Variants in MARCHF4 observed in about 807,000 individuals in gnomAD.
The protein encoded by MARCHF4 is membrane associated ring-CH-type finger 4.
Under a neutral mutation model 43.9 loss-of-function variants are expected in MARCHF4, and 14 were observed. That is an observed-to-expected ratio of 0.32 (90% CI 0.21 to 0.50). The LOEUF is 0.50. Ranked by LOEUF, MARCHF4 falls within the 20% of genes least tolerant of loss-of-function variation. The pLI, the probability that MARCHF4 is intolerant of heterozygous loss-of-function variation, is 0.98. For missense variants in MARCHF4, 468 were observed against 536.7 expected (o/e 0.87, Z 1.27); for synonymous variants, 226 against 213.3 (o/e 1.06, Z -0.52).
intron 1 of MARCHF4, among the ~76,000 whole-genome samples, chr2:216,347,892 A>C (rs548234554): frequency 6.6e-6 from 1 of 151,116 alleles, no homozygotes; most frequent in East Asian, 1.9e-4. Flanking sequence ...GCAAAAATAC[A>C]GTTTTCATAC....
intron 3 of MARCHF4, among the ~76,000 whole-genome samples, chr2:216,274,029 G>C (rs1344410485): frequency 6.6e-6 from 1 of 152,236 alleles, no homozygotes; most frequent in Non-Finnish European, 1.5e-5. Context: ...TTGAGTTGGG[G>C]GCAACCCCTG....
chr2:216,345,331 A>G (rs1692302700), intron 1 of MARCHF4, among the ~76,000 whole-genome samples: 1 of 150,752 alleles, frequency 6.6e-6, no homozygotes, highest in Non-Finnish European at 1.5e-5. Flanking sequence ...AAGAACACAA[A>G]CTATTATACC....
In MARCHF4 at chr2:216,370,118, T is replaced by C; in HGVS notation, c.143A>G (p.Asp48Gly). Residue 48 changes from aspartate (D) to glycine (G), a missense_variant, in exon 1 of 4, where the codon GAC becomes GGC. Transcript: ENST00000273067. ...GCGCCGCAGTAAGAAAACCTTCAGG[T>C]CATTGAAGAGCATGCGGCAGCGGCA... ...LKCRCRMLFN[D>G]LKVFLLRRPP... is the part of the protein sequence containing the mutation. 6.2e-7 allele frequency: 1 copy of C among 1,601,940 alleles called. No individual in the cohort carries two copies. The highest frequency in any genetic ancestry group is 1.1e-5 in the South Asian group (1 of 89,094).
intron 1 of MARCHF4, among the ~76,000 whole-genome samples, chr2:216,367,533 CA>C (rs1484018019): frequency 6.6e-6 from 1 of 152,178 alleles, no homozygotes; most frequent in East Asian, 1.9e-4. Context: ...TACTATAACA[CA>C]ATCCCATTAA....
intron 1 of MARCHF4, among the ~76,000 whole-genome samples, chr2:216,301,029 C>T (rs947824385): frequency 6.6e-6 from 1 of 152,236 alleles, no homozygotes; most frequent in Non-Finnish European, 1.5e-5. Flanking sequence ...CGCTCCTTAG[C>T]TAATCAGGCT....
chr2:216,278,206 C>G (rs1212686206), intron 2 of MARCHF4, among the ~76,000 whole-genome samples: 1 of 149,260 alleles, frequency 6.7e-6, no homozygotes, highest in Non-Finnish European at 1.5e-5. Context: ...GTTCTAGGCC[C>G]CCAGATGATT....
rs528807907 is a variant in MARCHF4, at chr2:216,350,182, A to G, written c.516+19563T>C. Among the ~76,000 whole-genome samples the G allele has an allele frequency of 2.6e-5, 4 of 151,164 alleles. No homozygotes were observed. In the East Asian group the frequency reaches 7.9e-4, roughly 30 times the overall value. The stretch of plus-strand genomic sequence containing the variant: ...CTATGCCATGGCATTACACTGTGCC[A>G]CAACACAAACATGCTACGCCACTGT... On this transcript the variant is annotated intron_variant, in intron 1 of 3. Transcript: ENST00000273067.
chr2:216,362,992 T>A (rs1692610054), intron 1 of MARCHF4, among the ~76,000 whole-genome samples: 1 of 152,058 alleles, frequency 6.6e-6, no homozygotes, highest in African/African-American at 2.4e-5. Context: ...CCCACACTCC[T>A]TTAAGTGTCT....
chr2:216,273,890 G>A (rs56262119), intron 3 of MARCHF4, among the ~76,000 whole-genome samples: 20,774 of 152,204 alleles, frequency 0.14, 1,478 homozygotes, highest in South Asian at 0.25. Flanking sequence ...CAGGTTCATG[G>A]GTGGAGGCAG....
intron 1 of MARCHF4, among the ~76,000 whole-genome samples, chr2:216,362,782 C>T (rs1692605969): frequency 6.6e-6 from 1 of 152,188 alleles, no homozygotes; most frequent in Non-Finnish European, 1.5e-5. Context: ...GTACACCTCA[C>T]CTTTGCTTTT....
chr2:216,275,342 T>C (rs1213455803), intron 3 of MARCHF4, among the ~76,000 whole-genome samples: 1 of 151,786 alleles, frequency 6.6e-6, no homozygotes, highest in African/African-American at 2.4e-5. Flanking sequence ...TGAGCGGGAG[T>C]GCTGGGAGGC....
chr2:216,314,946 T>C (rs970349234), intron 1 of MARCHF4, among the ~76,000 whole-genome samples: 8 of 152,264 alleles, frequency 5.3e-5, no homozygotes, highest in Middle Eastern at 6.8e-3. Flanking sequence ...GGAACCACAG[T>C]AGTCAGACGA....
At chr2:216,334,350 C>T (rs768577462) in intron 1 of MARCHF4, among the ~76,000 whole-genome samples, 5 of 151,916 alleles carry the variant, frequency 3.3e-5, no homozygotes, top group Non-Finnish European at 5.9e-5. Flanking sequence ...TGCCAGCAAC[C>T]CGAATGAGCA....
At chr2:216,329,795 G>C (rs1692056020) in intron 1 of MARCHF4, among the ~76,000 whole-genome samples, 1 of 151,172 alleles carries the variant, frequency 6.6e-6, no homozygotes, top group Admixed American at 6.6e-5. Flanking sequence ...ACAAAAGGTA[G>C]AAAGAAAAGG....
intron 1 of MARCHF4, among the ~76,000 whole-genome samples, chr2:216,313,810 C>G (rs1691728378): frequency 6.6e-6 from 1 of 152,176 alleles, no homozygotes; most frequent in African/African-American, 2.4e-5. Context: ...ATCTGATTCT[C>G]CTGCCATTTA....
At chr2:216,351,336 C>T (rs532957959) in intron 1 of MARCHF4, 4 of 152,516 alleles carry the variant, frequency 2.6e-5, no homozygotes, top group Admixed American at 2.6e-4. Context: ...CAACCCTTTT[C>T]GAGAGGCTGA....
chr2:216,280,911 G>T (rs1179025093), intron 2 of MARCHF4, among the ~76,000 whole-genome samples: 1 of 151,756 alleles, frequency 6.6e-6, no homozygotes, highest in African/African-American at 2.4e-5. Context: ...CAAAGAGACA[G>T]TAGGAAGCAG....
intron 1 of MARCHF4, among the ~76,000 whole-genome samples, chr2:216,341,893 C>T (rs1452197617): frequency 1.3e-5 from 2 of 152,144 alleles, no homozygotes; most frequent in Non-Finnish European, 2.9e-5. Context: ...CCAACCAGCA[C>T]AGAAGGACTG....
chr2:216,330,352 TA>T (rs1214304043), intron 1 of MARCHF4, among the ~76,000 whole-genome samples: 1 of 152,146 alleles, frequency 6.6e-6, no homozygotes, highest in East Asian at 1.9e-4. Flanking sequence ...TTCATATCAC[TA>T]AAAGTATATA....
Sources: gnomAD v4.1 joint callset for allele counts (sites outside exome capture counted in the v4.1 genomes callset) on GRCh38, gnomAD v4.1.1 for gene constraint, MANE v1.5 for transcripts, NCBI Gene and HGNC (gene_info 2026-07-23, HGNC 2026-07-21) for gene names.